SCHIP1: variants seen among roughly 807,000 people sequenced by gnomAD.
SCHIP1 encodes schwannomin-interacting protein 1.
In SCHIP1, 8 loss-of-function variants were observed where a neutral mutation model predicts 29.7. The ratio of observed to expected loss-of-function variants is 0.27; its 90% CI spans 0.16 to 0.49. The LOEUF (loss-of-function observed/expected upper bound fraction) is 0.49. Among genes scored for constraint, SCHIP1 ranks in the 20% least tolerant of loss-of-function variants. The pLI, the probability that SCHIP1 is intolerant of heterozygous loss-of-function variation, is 0.99. For missense variants in SCHIP1, 193 were observed against 294.6 expected (o/e 0.66, Z 2.52); for synonymous variants, 76 against 94.9 (o/e 0.80, Z 1.16).
At chr3:159,447,157 T>C in the SCHIP1 span, among the ~76,000 whole-genome samples, 1 of 152,220 alleles carries the variant, frequency 6.6e-6, no homozygotes, top group Non-Finnish European at 1.5e-5. Context: ...TACTGGTATG[T>C]GACCTTAGTA....
At chr3:159,791,639 C>T in the SCHIP1 span, among the ~76,000 whole-genome samples, 2 of 152,220 alleles carry the variant, frequency 1.3e-5, no homozygotes, top group African/African-American at 4.8e-5. Flanking sequence ...AGCAGGGAGC[C>T]AGGTGAGAAA....
chr3:159,492,244 G>A, the SCHIP1 span, among the ~76,000 whole-genome samples: 41 of 152,164 alleles, frequency 2.7e-4, no homozygotes, highest in Admixed American at 9.2e-4. Context: ...GAACAAAGCT[G>A]GACAGAGAAT....
At chr3:159,379,779 G>GT in the SCHIP1 span, among the ~76,000 whole-genome samples, 1 of 139,554 alleles carries the variant, frequency 7.2e-6, no homozygotes. Context: ...TGGGGAAACA[G>GT]TTGGGTGGGA....
chr3:159,650,734 T>C, the SCHIP1 span, among the ~76,000 whole-genome samples: 1 of 152,238 alleles, frequency 6.6e-6, no homozygotes, highest in Non-Finnish European at 1.5e-5. Context: ...CAAAGTATGA[T>C]ACATTCAGGT....
chr3:159,674,320 C>T, the SCHIP1 span, among the ~76,000 whole-genome samples: 1 of 152,148 alleles, frequency 6.6e-6, no homozygotes, highest in African/African-American at 2.4e-5. Context: ...GGGCACCAAG[C>T]TAAGTCCCCA....
At chr3:159,725,534 C>T in the SCHIP1 span, among the ~76,000 whole-genome samples, 1 of 152,138 alleles carries the variant, frequency 6.6e-6, no homozygotes, top group African/African-American at 2.4e-5. Flanking sequence ...CAAAGTGCTG[C>T]AATCACAGGC....
At chr3:159,717,186 T>G in the SCHIP1 span, among the ~76,000 whole-genome samples, 44,011 of 151,894 alleles carry the variant, frequency 0.29, 9,376 homozygotes, top group African/African-American at 0.6. Flanking sequence ...AAACCAATGA[T>G]AACAAAGACA....
At chr3:159,642,117 G>A in the SCHIP1 span, among the ~76,000 whole-genome samples, 6 of 152,110 alleles carry the variant, frequency 3.9e-5, no homozygotes, top group South Asian at 2.1e-4. Context: ...TATGTAAAAC[G>A]ACAAAGCACC....
the SCHIP1 span, among the ~76,000 whole-genome samples, chr3:159,532,262 T>C: frequency 6.6e-6 from 1 of 152,194 alleles, no homozygotes. Context: ...AATATAAAAA[T>C]GGTAAACAAT....
chr3:159,345,166 G>A, the SCHIP1 span, among the ~76,000 whole-genome samples: 1 of 148,750 alleles, frequency 6.7e-6, no homozygotes, highest in Admixed American at 6.8e-5. Flanking sequence ...GGGAGAGGTT[G>A]CAGTGAGCCA....
chr3:159,464,192 T>C, the SCHIP1 span, among the ~76,000 whole-genome samples: 1 of 152,188 alleles, frequency 6.6e-6, no homozygotes, highest in African/African-American at 2.4e-5. Flanking sequence ...GCTGCTTATA[T>C]TCTTTTGTGG....
chr3:159,357,600 G>A, the SCHIP1 span, among the ~76,000 whole-genome samples: 2 of 152,112 alleles, frequency 1.3e-5, no homozygotes, highest in African/African-American at 4.8e-5. Flanking sequence ...ATTCTGATAG[G>A]GGATTTTCTG....
chr3:159,397,310 TTC>T, the SCHIP1 span, among the ~76,000 whole-genome samples: 2 of 152,234 alleles, frequency 1.3e-5, no homozygotes, highest in Non-Finnish European at 1.5e-5. Context: ...TGAAGCCTTC[TTC>T]TCTCAGCTCG....
At chr3:159,714,240 A>T in the SCHIP1 span, among the ~76,000 whole-genome samples, 22 of 152,262 alleles carry the variant, frequency 1.4e-4, no homozygotes, top group South Asian at 1.0e-3. Context: ...TGTCTCAAAA[A>T]ATAAAAAATA....
chr3:159,363,893 G>GA, the SCHIP1 span, among the ~76,000 whole-genome samples: 1 of 152,120 alleles, frequency 6.6e-6, no homozygotes, highest in Non-Finnish European at 1.5e-5. Context: ...GAATAAAAGA[G>GA]AAAATCAGAA....
the SCHIP1 span, among the ~76,000 whole-genome samples, chr3:159,761,879 A>G: frequency 6.6e-6 from 1 of 152,096 alleles, no homozygotes; most frequent in South Asian, 2.1e-4. Context: ...GCTCAGAGGG[A>G]GTCTGGGTGG....
the SCHIP1 span, among the ~76,000 whole-genome samples, chr3:159,707,536 T>G: frequency 6.6e-6 from 1 of 152,194 alleles, no homozygotes; most frequent in Admixed American, 6.5e-5. Flanking sequence ...TTATTGAAGG[T>G]AGAACAAGAA....
chr3:159,500,653 G>T, the SCHIP1 span, among the ~76,000 whole-genome samples: 1 of 151,668 alleles, frequency 6.6e-6, no homozygotes, highest in Non-Finnish European at 1.5e-5. Flanking sequence ...GGCAGAGCTT[G>T]CAGTGAGCCG....
the SCHIP1 span, among the ~76,000 whole-genome samples, chr3:159,688,011 T>C: frequency 6.6e-6 from 1 of 152,256 alleles, no homozygotes; most frequent in Non-Finnish European, 1.5e-5. Flanking sequence ...TGATAGGCTT[T>C]TGGATTGGTT....
Sources: gnomAD v4.1 joint callset for allele counts (sites outside exome capture counted in the v4.1 genomes callset) on GRCh38, gnomAD v4.1.1 for gene constraint, MANE v1.5 for transcripts, NCBI Gene and HGNC (gene_info 2026-07-23, HGNC 2026-07-21) for gene names.